Variants in KANK1 observed in about 807,000 individuals in gnomAD.
KANK1 encodes the protein KN motif and ankyrin repeat domains 1.
A neutral mutation model predicts 106.2 loss-of-function variants in KANK1; 109 were observed. That is an observed-to-expected ratio of 1.03 (90% CI 0.88 to 1.20). The LOEUF (loss-of-function observed/expected upper bound fraction) is 1.20, where lower values mean the gene tolerates loss of function less well. Among genes scored for constraint, KANK1 ranks in the 50% most tolerant of loss-of-function variants. The probability of loss-of-function intolerance (pLI) is 0.00; values close to 1 mark genes in which losing one functional copy is unlikely to be tolerated. For missense variants in KANK1, 2,399 were observed against 1,710.7 expected (o/e 1.40, Z -7.10); for synonymous variants, 873 against 652.2 (o/e 1.34, Z -5.16).
At chr9:620,759 C>A (rs1429003010) in intron 1 of KANK1, among the ~76,000 whole-genome samples, 1 of 152,038 alleles carries the variant, frequency 6.6e-6, no homozygotes, top group East Asian at 1.9e-4. Context: ...ATTTTAAAAA[C>A]CAATTTTTAA....
At chr9:604,377 G>A (rs1015880434) in intron 1 of KANK1, among the ~76,000 whole-genome samples, 2 of 151,690 alleles carry the variant, frequency 1.3e-5, no homozygotes, top group African/African-American at 4.9e-5. Flanking sequence ...TCATGAGGAT[G>A]GTTTACCCCA....
At chr9:656,831 G>T (rs1842247059) in intron 1 of KANK1, among the ~76,000 whole-genome samples, 1 of 152,158 alleles carries the variant, frequency 6.6e-6, no homozygotes, top group Admixed American at 6.5e-5. Context: ...AAGGCAGCTT[G>T]ACCTTTAGTG....
intron 1 of KANK1, among the ~76,000 whole-genome samples, chr9:520,852 C>T (rs1037881243): frequency 6.6e-6 from 1 of 151,700 alleles, no homozygotes; most frequent in Non-Finnish European, 1.5e-5. Flanking sequence ...AGAAGTTACA[C>T]TTCTTCCTCT....
intron 1 of KANK1, among the ~76,000 whole-genome samples, chr9:519,258 C>G (rs1350366135): frequency 6.6e-6 from 1 of 151,756 alleles, no homozygotes; most frequent in Non-Finnish European, 1.5e-5. Context: ...ACGACAGCCT[C>G]TGGATATCAA....
intron 5 of KANK1, 26 bp downstream of exon 5, chr9:731,292 G>A: frequency 7.3e-7 from 1 of 1,371,288 alleles, no homozygotes; most frequent in Non-Finnish European, 1.0e-6. Flanking sequence ...GGTTCTAGAG[G>A]CTAATGCTGT....
chr9:609,090 A>AC lies in KANK1; in HGVS notation c.-83-67796dup, dbSNP rs201371307. Among the ~76,000 whole-genome samples, 784 of 151,612 alleles carry AC rather than the reference A, an allele frequency of 5.2e-3. 5 individuals are homozygous for AC. Among genetic ancestry groups the AC allele is most frequent in the African/African-American group, 0.018 (742 of 41,206 alleles). On this transcript the variant is annotated intron_variant, in intron 1 of 11. Transcript: ENST00000382297. Reference sequence around the variant, plus strand: ...CAGAACTCAAAGGGAAGAAGACTTGACCCCTAACCCTTCAGAAAGCTGGCT... The same window carrying AC: ...CAGAACTCAAAGGGAAGAAGACTTGACCCCCTAACCCTTCAGAAAGCTGGCT...
chr9:727,458 A>G (rs1431987843), intron 3 of KANK1, among the ~76,000 whole-genome samples: 1 of 151,420 alleles, frequency 6.6e-6, no homozygotes, highest in African/African-American at 2.4e-5. Context: ...TCTGGATTAC[A>G]GGCACTCACC....
chr9:568,728 C>T (rs1250184325), intron 1 of KANK1, among the ~76,000 whole-genome samples: 1 of 152,158 alleles, frequency 6.6e-6, no homozygotes, highest in African/African-American at 2.4e-5. Flanking sequence ...CCTGGCCTCC[C>T]ACCTTAACCT....
At chr9:646,466 A>C (rs771176464) in intron 1 of KANK1, among the ~76,000 whole-genome samples, 2 of 151,168 alleles carry the variant, frequency 1.3e-5, no homozygotes, top group South Asian at 2.1e-4. Context: ...TCTCTCTCTA[A>C]TTATATCTTC....
chr9:646,691 A>G (rs1839743074), intron 1 of KANK1, among the ~76,000 whole-genome samples: 1 of 147,252 alleles, frequency 6.8e-6, no homozygotes, highest in African/African-American at 2.6e-5. Flanking sequence ...TTTTTTAAGT[A>G]TCTTTTTTTT....
chr9:482,281 G>A (rs557867132), intron 3 of KANK1, among the ~76,000 whole-genome samples: 73 of 152,330 alleles, frequency 4.8e-4, no homozygotes, highest in African/African-American at 1.8e-3. Context: ...CAAGTGACGA[G>A]TGTAATCCTA....
chr9:599,858 G>A (rs559960378), intron 1 of KANK1, among the ~76,000 whole-genome samples: 1 of 151,796 alleles, frequency 6.6e-6, no homozygotes. Flanking sequence ...CTTGTATATC[G>A]AGGGATGACT....
At chr9:499,731 G>C (rs572661174), upstream of KANK1, among the ~76,000 whole-genome samples, 13 of 152,290 alleles carry the variant, frequency 8.5e-5, no homozygotes, top group African/African-American at 2.4e-4. Context: ...GGTTAAAACT[G>C]AGAATTACAT....
chr9:708,533 G>A (rs1298322524), intron 2 of KANK1, among the ~76,000 whole-genome samples: 1 of 152,160 alleles, frequency 6.6e-6, no homozygotes, highest in Non-Finnish European at 1.5e-5. Flanking sequence ...TTTAAATTGG[G>A]ACGTAAGGAA....
chr9:576,760 G>T (rs1820666889), intron 1 of KANK1, among the ~76,000 whole-genome samples: 1 of 147,844 alleles, frequency 6.8e-6, no homozygotes, highest in Non-Finnish European at 1.5e-5. Flanking sequence ...GAGGGACCTT[G>T]TTTTTTTTTT....
At chr9:553,975 C>G (rs1325095879) in intron 1 of KANK1, among the ~76,000 whole-genome samples, 2 of 152,130 alleles carry the variant, frequency 1.3e-5, no homozygotes, top group Non-Finnish European at 2.9e-5. Context: ...TAGCTGGGCT[C>G]CAACCCCAGA....
chr9:718,469 T>C (rs149217510), intron 3 of KANK1, among the ~76,000 whole-genome samples: 2,878 of 112,378 alleles, frequency 0.026, 106 homozygotes, highest in African/African-American at 0.084. Context: ...CATGCCACCA[T>C]ACCTGGCTAA....
At chr9:638,270 G>T (rs1371660065) in intron 1 of KANK1, among the ~76,000 whole-genome samples, 1 of 152,188 alleles carries the variant, frequency 6.6e-6, no homozygotes, top group Non-Finnish European at 1.5e-5. Context: ...AGGCTGAGAA[G>T]TCCAAGATCA....
chr9:658,886 C>T (rs1436486098), intron 1 of KANK1, among the ~76,000 whole-genome samples: 1 of 152,138 alleles, frequency 6.6e-6, no homozygotes, highest in Non-Finnish European at 1.5e-5. Context: ...ACTTATCCTT[C>T]AGGTCTTAGT....
Sources: allele counts gnomAD v4.1 joint callset (sites outside exome capture counted in the v4.1 genomes callset), GRCh38; gene constraint gnomAD v4.1.1; transcripts MANE v1.5; gene names NCBI Gene and HGNC (gene_info 2026-07-23, HGNC 2026-07-21).